SLC6A12: variants seen among roughly 807,000 people sequenced by gnomAD.
The protein encoded by SLC6A12 is solute carrier family 6 member 12.
SLC6A12 carries 50 observed loss-of-function variants against 73.3 expected under a neutral mutation model. The ratio of observed to expected loss-of-function variants is 0.68; its 90% confidence interval spans 0.54 to 0.86. The LOEUF (loss-of-function observed/expected upper bound fraction) is 0.86. Among genes scored for constraint, SLC6A12 ranks in the 40% least tolerant of loss-of-function variants. The probability of loss-of-function intolerance (pLI) is 0.00; values close to 1 mark genes in which losing one functional copy is unlikely to be tolerated. For synonymous variants in SLC6A12, 304 were observed against 309.2 expected (o/e 0.98, Z 0.18); for missense variants, 648 against 772.8 (o/e 0.84, Z 1.92).
At chr12:194,663 T>A (rs1021705120) in intron 13 of SLC6A12, among the ~76,000 whole-genome samples, 1 of 152,182 alleles carries the variant, frequency 6.6e-6, no homozygotes, top group East Asian at 1.9e-4. Flanking sequence ...CCCCTGGCTG[T>A]TGCAGCATTC....
intron 14 of SLC6A12, 97 bp from the exon 15 acceptor site, chr12:192,745 A>G: frequency 2.6e-6 from 3 of 1,143,266 alleles, no homozygotes; most frequent in South Asian, 1.3e-5. Flanking sequence ...AGTCAGGTGC[A>G]CTGCAGCACG....
chr12:193,004 G>C (rs191227684), intron 14 of SLC6A12: 1 of 529,600 alleles, frequency 1.9e-6, no homozygotes, highest in East Asian at 3.1e-5. Flanking sequence ...AGACAGACAG[G>C]AGACCAACCA....
chr12:197,516 C>T lies in SLC6A12; in HGVS notation c.951-15G>A. 2 of 1,607,816 alleles carry T rather than the reference C, an allele frequency of 1.2e-6. No individual in the cohort carries two copies. Among genetic ancestry groups the T allele is most frequent in the Non-Finnish European group, 1.7e-6 (2 of 1,177,140 alleles). On this transcript the variant is annotated splice_polypyrimidine_tract_variant and intron_variant, in intron 9 of 15. Coordinates refer to ENST00000684302, the MANE Select transcript of SLC6A12 (RefSeq NM_001122848.3). ...CGATGCAGTCCCTGTGGGAGTGGGG[C>T]AAGGGCAGACAGGAACGGGGAGGAA...
intron 13 of SLC6A12, among the ~76,000 whole-genome samples, chr12:193,600 C>A (rs1166182977): frequency 1.3e-5 from 2 of 152,232 alleles, no homozygotes; most frequent in African/African-American, 4.8e-5. Context: ...CTGCTGCTGC[C>A]ATCTCTTGTC....
At chr12:192,826 C>A (rs1332687769) in intron 14 of SLC6A12, among the ~76,000 whole-genome samples, 178 bp from the exon 15 acceptor site, 1 of 150,300 alleles carries the variant, frequency 6.7e-6, no homozygotes, top group East Asian at 2.0e-4. Flanking sequence ...CAGACGGAGA[C>A]AGGAGGCGAT....
downstream of SLC6A12, among the ~76,000 whole-genome samples, chr12:188,037 G>A (rs1481093969): frequency 1.3e-5 from 2 of 152,222 alleles, no homozygotes; most frequent in Non-Finnish European, 2.9e-5. Context: ...ACCAGACTCA[G>A]GAGCCCAGCT....
intron 14 of SLC6A12, 67 bp from the exon 15 acceptor site, chr12:192,715 A>G: frequency 6.8e-7 from 1 of 1,462,534 alleles, no homozygotes; most frequent in South Asian, 1.2e-5. Context: ...GCAGCTACGT[A>G]CAGCCAAGGA....
chr12:203,546 C>G (rs1233530677), intron 4 of SLC6A12: 1 of 152,118 alleles, frequency 6.6e-6, no homozygotes, highest in East Asian at 1.9e-4. Flanking sequence ...GACCCGCAGA[C>G]GGCAGAGGGT....
At chr12:189,182 T>G (rs924746675), downstream of SLC6A12, among the ~76,000 whole-genome samples, 16 of 151,774 alleles carry the variant, frequency 1.1e-4, no homozygotes, top group African/African-American at 3.6e-4. Flanking sequence ...CTGGACTAGC[T>G]GCGGGCAGGG....
chr12:193,016 C>A (rs959144544), intron 14 of SLC6A12: 2 of 523,130 alleles, frequency 3.8e-6, no homozygotes, highest in Non-Finnish European at 6.9e-6. Flanking sequence ...GACCAACCAT[C>A]GAGAAATCAG....
the SLC6A12 span, among the ~76,000 whole-genome samples, chr12:184,484 T>C: frequency 6.6e-5 from 10 of 151,898 alleles, no homozygotes; most frequent in East Asian, 1.2e-3. Flanking sequence ...AATTCGGTGG[T>C]TCATGCCTGT....
chr12:187,632 C>CAAAAACAAAAAAAAAAA (rs766643317), downstream of SLC6A12, among the ~76,000 whole-genome samples: 1 of 96,380 alleles, frequency 1.0e-5, no homozygotes, highest in African/African-American at 4.4e-5. Flanking sequence ...AAAAAAAAAA[C>CAAAAACAAAAAAAAAAA]AAACCACACA....
chr12:208,867 C>T (rs1377561607), intron 3 of SLC6A12, among the ~76,000 whole-genome samples: 4 of 152,156 alleles, frequency 2.6e-5, no homozygotes, highest in African/African-American at 9.7e-5. Flanking sequence ...CTAATTTTTA[C>T]ACCCAGTGCT....
downstream of SLC6A12, among the ~76,000 whole-genome samples, chr12:189,210 C>CAA (rs1268373980): frequency 6.6e-6 from 1 of 152,120 alleles, no homozygotes; most frequent in Non-Finnish European, 1.5e-5. Flanking sequence ...GAGGCGCGCG[C>CAA]CCGCGTGCTA....
chr12:209,263 A>G (rs1940800672), intron 3 of SLC6A12, among the ~76,000 whole-genome samples: 1 of 151,906 alleles, frequency 6.6e-6, no homozygotes. Flanking sequence ...AGCATTCCCT[A>G]TCCCTCCTCC....
intron 11 of SLC6A12, 48 bp downstream of exon 11, chr12:196,722 T>C: frequency 8.1e-6 from 11 of 1,358,536 alleles, no homozygotes; most frequent in Non-Finnish European, 1.2e-5. Context: ...AAGCAAAGGC[T>C]TGCAAGAGGG....
downstream of SLC6A12, among the ~76,000 whole-genome samples, chr12:189,100 A>G (rs1939497895): frequency 6.6e-6 from 1 of 152,204 alleles, no homozygotes; most frequent in African/African-American, 2.4e-5. Flanking sequence ...CCCGACCCAA[A>G]GCGTGCCCTC....
At chr12:185,867 C>A (rs780306936), downstream of SLC6A12, among the ~76,000 whole-genome samples, 7 of 152,250 alleles carry the variant, frequency 4.6e-5, no homozygotes, top group Non-Finnish European at 1.0e-4. Flanking sequence ...CCCATCCTGT[C>A]TGGCAAACAC....
In SLC6A12 at chr12:205,845, C is replaced by T. The variant is rs530767558; in HGVS notation, c.215-1147G>A. ...TTCATGTCAGTAAATACATATCTACCTCATCATTTTGATTGCTGCATAGTG... is the reference window on the plus strand; with the variant it reads ...TTCATGTCAGTAAATACATATCTACTTCATCATTTTGATTGCTGCATAGTG... On this transcript the variant is annotated intron_variant, in intron 3 of 15. Coordinates refer to ENST00000684302, the MANE Select transcript of SLC6A12 (RefSeq NM_001122848.3). Among the ~76,000 whole-genome samples the T allele has an allele frequency of 2.6e-5, 4 of 152,260 alleles. No individual in the cohort carries two copies. The South Asian group carries it at 6.2e-4, about 24-fold the overall frequency.
Sources: allele counts gnomAD v4.1 joint callset (sites outside exome capture counted in the v4.1 genomes callset), GRCh38; gene constraint gnomAD v4.1.1; transcripts MANE v1.5; gene names NCBI Gene and HGNC (gene_info 2026-07-23, HGNC 2026-07-21).